Variants in ANTXR1 observed in about 807,000 individuals in gnomAD.
The protein encoded by ANTXR1 is ANTXR cell adhesion molecule 1.
A neutral mutation model predicts 78.1 loss-of-function variants in ANTXR1; 19 were observed. The observed-to-expected ratio is 0.24, with a 90% CI of 0.17 to 0.36. The LOEUF is 0.36. ANTXR1 is among the 10% of genes least tolerant of loss of function. The probability of loss-of-function intolerance (pLI) is 1.00; values close to 1 mark genes in which losing one functional copy is unlikely to be tolerated. For missense variants in ANTXR1, 518 were observed against 718.6 expected (o/e 0.72, Z 3.19); for synonymous variants, 273 against 260.5 (o/e 1.05, Z -0.46).
chr2:69,109,681 C>T (rs1319975549), intron 10 of ANTXR1, among the ~76,000 whole-genome samples: 2 of 152,266 alleles, frequency 1.3e-5, no homozygotes, highest in Admixed American at 1.3e-4. Flanking sequence ...AATCTCACAC[C>T]TTTCATCCAA....
intron 8 of ANTXR1, among the ~76,000 whole-genome samples, chr2:69,079,725 G>C (rs1670844640): frequency 6.6e-6 from 1 of 152,172 alleles, no homozygotes; most frequent in African/African-American, 2.4e-5. Context: ...AGGGAGACTG[G>C]GGATACCCAG....
At position 69,152,292 on chromosome 2, in the gene ANTXR1, A is replaced by G. The variant is rs114925692; in HGVS notation, c.1047+28A>G. 1.1e-3 allele frequency: 1,743 copies of G among 1,605,870 alleles called. 20 individuals are homozygous for G. The African/African-American group carries it at 0.02, about 19-fold the overall frequency. On this transcript the variant is annotated intron_variant, in intron 13 of 17. Transcript: ENST00000303714. ...AAGTGCCCCAAACCTCAGGCCATGCAAGGTGAAGGGTGACATAAAGTTCAC... is the reference window on the plus strand; with the variant it reads ...AAGTGCCCCAAACCTCAGGCCATGCGAGGTGAAGGGTGACATAAAGTTCAC...
At chr2:69,014,778 G>C (rs1471295565) in intron 1 of ANTXR1, among the ~76,000 whole-genome samples, 1 of 152,174 alleles carries the variant, frequency 6.6e-6, no homozygotes, top group Non-Finnish European at 1.5e-5. Context: ...AAATAAGCTG[G>C]CTAGCTAGAC....
chr2:69,043,171 A>C (rs1645180324), intron 2 of ANTXR1, among the ~76,000 whole-genome samples: 1 of 152,132 alleles, frequency 6.6e-6, no homozygotes, highest in African/African-American at 2.4e-5. Flanking sequence ...CAAGTTCTAG[A>C]ATTAAAACAC....
intron 1 of ANTXR1, among the ~76,000 whole-genome samples, chr2:69,017,937 G>C (rs1344611284): frequency 6.6e-6 from 1 of 152,018 alleles, no homozygotes; most frequent in African/African-American, 2.4e-5. Flanking sequence ...ATATGTTTAT[G>C]TATTACATAT....
chr2:69,083,881 CTT>C (rs1670967575), intron 8 of ANTXR1, among the ~76,000 whole-genome samples: 1 of 152,096 alleles, frequency 6.6e-6, no homozygotes, highest in South Asian at 2.1e-4. Context: ...GGCAGAGAAT[CTT>C]TTTTCAAAAA....
At chr2:69,179,383 C>CA (rs1674217002) in intron 14 of ANTXR1, among the ~76,000 whole-genome samples, 1 of 151,796 alleles carries the variant, frequency 6.6e-6, no homozygotes, top group Non-Finnish European at 1.5e-5. Flanking sequence ...CCCATCTTTA[C>CA]AAAAAATAGA....
At position 69,176,840 on chromosome 2, in the gene ANTXR1, C is replaced by T. The variant is rs190406354; in HGVS notation, c.1090-4946C>T. On this transcript the variant is annotated intron_variant, in intron 14 of 17. Transcript: ENST00000303714. ...ATGTGCTCCTTTTCATTGATAGTTC[C>T]TATTGAAACCTGCAGTGAACTGGGA... Among the ~76,000 whole-genome samples, 309 of 152,304 alleles carry T rather than the reference C, an allele frequency of 2.0e-3. 2 individuals are homozygous for T. Among genetic ancestry groups the T allele is most frequent in the Non-Finnish European group, 1.9e-3 (126 of 68,032 alleles).
In ANTXR1 at chr2:69,246,768, T is replaced by C. The variant is rs1305759710; in HGVS notation, c.*1283T>C. On this transcript the variant is annotated 3_prime_UTR_variant, in exon 18 of 18. Transcript: ENST00000303714. ...TCTGTTTAATCAATAAGCCCTATAA[T>C]CACTTGCTAAACACTGGGCTTCATC... 2.0e-5 allele frequency: 3 copies of C among 152,170 alleles called. No homozygotes were observed. The highest frequency in any genetic ancestry group is 2.9e-5 in the Non-Finnish European group (2 of 68,028). The allele number at this position is 152,170 out of a possible 1,614,324, so 9.4% of individuals were successfully genotyped here. A position where few individuals can be genotyped will look rare whatever the true frequency, so the allele number is the denominator to read the frequency against.
At chr2:69,130,721 A>G (rs567515355) in intron 12 of ANTXR1, among the ~76,000 whole-genome samples, 2 of 152,290 alleles carry the variant, frequency 1.3e-5, no homozygotes, top group African/African-American at 4.8e-5. Flanking sequence ...TGCCAAGTAA[A>G]AGTCTAATGC....
At chr2:69,187,836 G>A (rs75675018) in intron 16 of ANTXR1, among the ~76,000 whole-genome samples, 6,878 of 151,150 alleles carry the variant, frequency 0.046, 552 homozygotes, top group African/African-American at 0.16. Flanking sequence ...TGATCTGACC[G>A]CCTCGGCCGC....
Position 69,151,186 on chromosome 2 carries a change from C to CTTTTTTTTTTTTTTTTT in ANTXR1, c.952-976_952-960dup, listed in dbSNP as rs59147668. ...CTGTACAAACATATCTGATTATTTTCTTTTTTTTTTTTTTTTTTTTTTTGA... is the reference window on the plus strand; with the variant it reads ...CTGTACAAACATATCTGATTATTTTCTTTTTTTTTTTTTTTTTTTTTTTTTTTTTTTTTTTTTTTTGA... On this transcript the variant is annotated intron_variant, in intron 12 of 17. Coordinates refer to ENST00000303714, the MANE Select transcript of ANTXR1 (RefSeq NM_032208.3). Among the ~76,000 whole-genome samples the CTTTTTTTTTTTTTTTTT allele has an allele frequency of 2.1e-4, 17 of 82,570 alleles. 1 individual carries two copies. Among genetic ancestry groups the CTTTTTTTTTTTTTTTTT allele is most frequent in the South Asian group, 4.5e-4 (1 of 2,214 alleles). The allele number at this position is 82,570 out of a possible 152,430, so 54.2% of individuals were successfully genotyped here.
At chr2:69,044,930 T>C (rs901453048) in intron 3 of ANTXR1, 117 bp downstream of exon 3, 1 of 1,035,558 alleles carries the variant, frequency 9.7e-7, no homozygotes, top group African/African-American at 1.6e-5. Flanking sequence ...TAGTTCCTTC[T>C]TTTACCCTAA....
At chr2:69,183,580 T>G (rs11126224) in intron 16 of ANTXR1, among the ~76,000 whole-genome samples, 38,384 of 95,656 alleles carry the variant, frequency 0.4, 5,991 homozygotes, top group East Asian at 0.62. Context: ...TTTTGTTTTT[T>G]TTTTTTTTTT....
chr2:69,165,668 A>G (rs58000656), intron 13 of ANTXR1, among the ~76,000 whole-genome samples: 33,402 of 152,274 alleles, frequency 0.22, 5,487 homozygotes, highest in East Asian at 0.5. Flanking sequence ...CGCGGCTTCA[A>G]ACGGAACGTC....
At chr2:69,182,741 A>ATTTTC in intron 16 of ANTXR1, 81 bp downstream of exon 16, 1 of 1,588,188 alleles carries the variant, frequency 6.3e-7, no homozygotes, top group Non-Finnish European at 8.6e-7. Context: ...TTTCCACATG[A>ATTTTC]TAAAATCCCA....
chr2:69,199,264 C>T (rs1674721537), intron 17 of ANTXR1, among the ~76,000 whole-genome samples: 1 of 152,186 alleles, frequency 6.6e-6, no homozygotes, highest in South Asian at 2.1e-4. Flanking sequence ...ATTAGCATTT[C>T]TAACAAACTC....
chr2:69,079,159 A>C (rs1379842526), intron 8 of ANTXR1, among the ~76,000 whole-genome samples: 1 of 152,176 alleles, frequency 6.6e-6, no homozygotes, highest in Non-Finnish European at 1.5e-5. Flanking sequence ...AGTGGAAATT[A>C]TTGATAGCAT....
At chr2:69,039,728 C>T (rs185510751) in intron 1 of ANTXR1, among the ~76,000 whole-genome samples, 2 of 151,928 alleles carry the variant, frequency 1.3e-5, no homozygotes, top group Admixed American at 6.6e-5. Flanking sequence ...AGCTGTTTCT[C>T]GAAGACGCAA....
Sources: allele counts gnomAD v4.1 joint callset (sites outside exome capture counted in the v4.1 genomes callset), GRCh38; gene constraint gnomAD v4.1.1; transcripts MANE v1.5; gene names NCBI Gene and HGNC (gene_info 2026-07-23, HGNC 2026-07-21).